SMPD3: variants seen among roughly 807,000 people sequenced by gnomAD.
SMPD3 encodes the protein sphingomyelin phosphodiesterase 3, also known as nSMase-2.
SMPD3 carries 21 observed loss-of-function variants against 55.7 expected under a neutral mutation model. The ratio of observed to expected loss-of-function variants is 0.38; its 90% confidence interval spans 0.27 to 0.54. The LOEUF is 0.54. Among genes scored for constraint, SMPD3 ranks in the 20% least tolerant of loss-of-function variants. The pLI, the probability that SMPD3 is intolerant of heterozygous loss-of-function variation, is 0.80. For synonymous variants in SMPD3, 457 were observed against 404.3 expected, an observed-to-expected ratio of 1.13 and a Z score of -1.56; for missense variants, 842 against 899.6, an observed-to-expected ratio of 0.94 and a Z score of 0.82.
chr16:68,434,398 A>T (rs911804869), intron 1 of SMPD3, among the ~76,000 whole-genome samples: 3 of 152,152 alleles, frequency 2.0e-5, no homozygotes, highest in African/African-American at 7.2e-5. Flanking sequence ...ATGAATATAA[A>T]ATTACCCTTT....
intron 1 of SMPD3, among the ~76,000 whole-genome samples, chr16:68,397,802 C>G (rs1253045095): frequency 6.6e-6 from 1 of 152,312 alleles, no homozygotes; most frequent in South Asian, 2.1e-4. Context: ...GAAGCCTTCC[C>G]CCCTCCCCTG....
chr16:68,381,179 G>A (rs982137147), intron 2 of SMPD3, among the ~76,000 whole-genome samples: 1 of 152,208 alleles, frequency 6.6e-6, no homozygotes, highest in Non-Finnish European at 1.5e-5. Flanking sequence ...CCTCACTGCT[G>A]AGGGTTGAGG....
At chr16:68,403,948 C>T (rs905334114) in intron 1 of SMPD3, among the ~76,000 whole-genome samples, 3 of 152,198 alleles carry the variant, frequency 2.0e-5, no homozygotes, top group Admixed American at 6.5e-5. Context: ...TTTGCAGGAA[C>T]GCCAGGTCCC....
intron 6 of SMPD3, 75 bp from the exon 7 acceptor site, chr16:68,363,634 G>A: frequency 2.0e-6 from 3 of 1,478,412 alleles, no homozygotes; most frequent in Non-Finnish European, 1.9e-6. Context: ...GCCTCTGTGG[G>A]TGGACACGGG....
At chr16:68,419,525 G>T (rs1038957820) in intron 1 of SMPD3, among the ~76,000 whole-genome samples, 6 of 152,218 alleles carry the variant, frequency 3.9e-5, no homozygotes, top group Non-Finnish European at 7.3e-5. Flanking sequence ...TGGGGATGCA[G>T]CATCCAACAT....
At chr16:68,417,006 C>T (rs1369722385) in intron 1 of SMPD3, among the ~76,000 whole-genome samples, 1 of 152,164 alleles carries the variant, frequency 6.6e-6, no homozygotes, top group Non-Finnish European at 1.5e-5. Flanking sequence ...TCCACTTAGA[C>T]CCTGTCTTCA....
chr16:68,371,842 C>A lies in SMPD3; in HGVS notation c.340G>T (p.Glu114Ter). 1 of 1,605,962 alleles carries A rather than the reference C, an allele frequency of 6.2e-7. No homozygotes were observed. The highest frequency in any genetic ancestry group is 1.1e-5 in the South Asian group (1 of 89,496). ...TTGCCAGGCCCCGTGCCCTTCCATTCACTGAGCAGGGCTGCCCCACCGGCC... is the reference window on the plus strand; with the variant it reads ...TTGCCAGGCCCCGTGCCCTTCCATTAACTGAGCAGGGCTGCCCCACCGGCC... Reference protein sequence around the residue: ...GLAGGAALLSEWKGTGPGKSF... With the variant: ...GLAGGAALLS The change falls in exon 3 of 9, where the codon GAA becomes TAA. Residue 114 changes from glutamate to a stop codon, truncating the protein, a stop_gained. Transcript: ENST00000219334. LOFTEE classifies it high-confidence loss of function.
intron 1 of SMPD3, among the ~76,000 whole-genome samples, chr16:68,443,431 G>A (rs1382426924): frequency 6.6e-6 from 1 of 152,180 alleles, no homozygotes; most frequent in Non-Finnish European, 1.5e-5. Flanking sequence ...TAGGCTGCTA[G>A]GAAATAAAGA....
chr16:68,413,662 C>T (rs1322704580), intron 1 of SMPD3, among the ~76,000 whole-genome samples: 4 of 152,070 alleles, frequency 2.6e-5, no homozygotes, highest in Admixed American at 2.6e-4. Context: ...TGAAATGGAT[C>T]CAAAAAATGG....
chr16:68,388,088 G>T (rs899264279), intron 1 of SMPD3, among the ~76,000 whole-genome samples: 2 of 152,186 alleles, frequency 1.3e-5, no homozygotes, highest in Non-Finnish European at 2.9e-5. Flanking sequence ...GGATGGCCAC[G>T]GCCAGGACCA....
At chr16:68,375,633 C>T (rs2089792497) in intron 2 of SMPD3, among the ~76,000 whole-genome samples, 1 of 116,222 alleles carries the variant, frequency 8.6e-6, no homozygotes, top group Admixed American at 7.9e-5. Flanking sequence ...GAGAGACTCT[C>T]TCCTCAGCTG....
chr16:68,389,279 T>TCCTG (rs969679477), intron 1 of SMPD3, among the ~76,000 whole-genome samples: 2 of 152,188 alleles, frequency 1.3e-5, no homozygotes, highest in African/African-American at 2.4e-5. Context: ...CCAAGCACGC[T>TCCTG]CCTGCCTGCC....
chr16:68,404,623 G>GAAA lies in SMPD3; in HGVS notation c.-268-17965_-268-17964insTTT, dbSNP rs2152014154. On this transcript the variant is annotated intron_variant, in intron 1 of 8. Coordinates refer to ENST00000219334, the MANE Select transcript of SMPD3 (RefSeq NM_018667.4). The surrounding 1 kb of genome is among the most constrained non-coding windows in gnomAD (Gnocchi z 4.0). ...GCAGGTCTGAAGGGACTTGTCAGGG[G>GAAA]TTCCCCAGGTAGGAAATAGGGGTCA... 6.6e-6 allele frequency among the ~76,000 whole-genome samples: 1 copy of GAAA among 152,296 alleles called. No homozygotes were observed. Among genetic ancestry groups the GAAA allele is most frequent in the South Asian group, 2.1e-4 (1 of 4,818 alleles).
Position 68,360,902 on chromosome 16 carries a change from C to T in SMPD3, c.*304G>A, listed in dbSNP as rs765835693. 2 of 378,534 alleles carry T rather than the reference C, an allele frequency of 5.3e-6. No homozygotes were observed. The highest frequency in any genetic ancestry group is 1.1e-4 in the East Asian group (2 of 18,882). 23.4% of individuals were successfully genotyped at this position (378,534 alleles called of 1,614,324 possible). ...GAGGAGATACAGAGAGTACACGAAC[C>T]CGGTCCTCATACTAACCCACGGGTT... is the stretch of plus-strand genomic sequence containing the variant. On this transcript the variant is annotated 3_prime_UTR_variant, in exon 9 of 9. Coordinates refer to ENST00000219334, the MANE Select transcript of SMPD3 (RefSeq NM_018667.4).
intron 1 of SMPD3, among the ~76,000 whole-genome samples, chr16:68,412,676 C>T (rs759845914): frequency 1.3e-5 from 2 of 152,176 alleles, no homozygotes; most frequent in Non-Finnish European, 2.9e-5. Flanking sequence ...CTTGAATGTG[C>T]GAGATCATCA....
At chr16:68,424,619 G>C (rs2090421501) in intron 1 of SMPD3, among the ~76,000 whole-genome samples, 1 of 152,218 alleles carries the variant, frequency 6.6e-6, no homozygotes, top group Non-Finnish European at 1.5e-5. Context: ...GAATGGTTCA[G>C]CGCCACGCCA....
rs574284852 is a variant in SMPD3, at chr16:68,370,770, C to T, written c.1323+89G>A. 286 of 1,520,080 alleles carry T rather than the reference C, an allele frequency of 1.9e-4. 1 individual carries two copies. The Middle Eastern group carries it at 2.3e-3, about 12-fold the overall frequency. 94.2% of individuals were successfully genotyped at this position (1,520,080 alleles called of 1,614,324 possible). A position where few individuals can be genotyped will look rare whatever the true frequency, so the allele number is the denominator to read the frequency against. On this transcript the variant is annotated intron_variant, in intron 3 of 8. Transcript: ENST00000219334. The stretch of plus-strand genomic sequence containing the variant: ...CAACCTCCCACTCCAGCCCCCATGA[C>T]GATGAGGACTCCCCGCTGCAGCCCC...
chr16:68,360,277 G>A lies in SMPD3; in HGVS notation c.*929C>T. The A allele has an allele frequency of 6.6e-6, 1 of 152,424 alleles. No homozygotes were observed. Among genetic ancestry groups the A allele is most frequent in the East Asian group, 1.9e-4 (1 of 5,336 alleles). 9.4% of individuals were successfully genotyped at this position (152,424 alleles called of 1,614,324 possible). ...ATGTGTTGGTTTTGATAGAAGAGAA[G>A]CTACAAATAGATTATTTTCAAAATC... On this transcript the variant is annotated 3_prime_UTR_variant, in exon 9 of 9. Coordinates refer to ENST00000219334, the MANE Select transcript of SMPD3 (RefSeq NM_018667.4).
Position 68,371,324 on chromosome 16 carries a change from G to A in SMPD3, c.858C>T (p.Asp286=), listed in dbSNP as rs145717053. The A allele has an allele frequency of 2.3e-5, 37 of 1,596,892 alleles. No homozygotes were observed. Among genetic ancestry groups the A allele is most frequent in the African/African-American group, 9.3e-5 (7 of 74,918 alleles). ...RGQTPNHNQQ[D]GDSGSLGSPS... is the part of the protein sequence containing the mutation. ...GGCTGCCCAGGCTCCCTGAATCCCC[G>A]TCCTGCTGATTATGGTTGGGCGTCT... Residue 286 remains aspartate, a synonymous_variant, in exon 3 of 9, where the codon GAC becomes GAT. Transcript: ENST00000219334.
Sources: allele counts gnomAD v4.1 joint callset (sites outside exome capture counted in the v4.1 genomes callset), GRCh38; gene constraint gnomAD v4.1.1; non-coding constraint Gnocchi (gnomAD v3.1); transcripts MANE v1.5; gene names NCBI Gene and HGNC (gene_info 2026-07-23, HGNC 2026-07-21).